TMEM67: variants seen among roughly 807,000 people sequenced by gnomAD.
The protein encoded by TMEM67 is transmembrane protein 67.
Under a neutral mutation model 136.6 loss-of-function variants are expected in TMEM67, and 124 were observed. That is an observed-to-expected ratio of 0.91 (90% CI 0.78 to 1.05). The LOEUF (loss-of-function observed/expected upper bound fraction) is 1.05. TMEM67 is among the 50% of genes least tolerant of loss of function. The pLI, the probability that TMEM67 is intolerant of heterozygous loss-of-function variation, is 0.00. For missense variants in TMEM67, 1,107 were observed against 1,178.4 expected (o/e 0.94, Z 0.89); for synonymous variants, 364 against 390.5 (o/e 0.93, Z 0.80).
rs772881100 is a variant in TMEM67, at chr8:93,755,791, A to G, written c.237A>G (p.Val79=). Residue 79 remains valine (V), a synonymous_variant, in exon 2 of 28, where the codon GTA becomes GTG. Coordinates refer to ENST00000453321, the MANE Select transcript of TMEM67 (RefSeq NM_153704.6). ...TTTTTTTTTTAGGAACTTCATGTGT[A>G]TGTCTACCAGGATTTCAGATGATCT... is the stretch of plus-strand genomic sequence containing the variant. ...QRQDARGTSC[V]CLPGFQMISN... 3 of 721,056 alleles carry G rather than the reference A, an allele frequency of 4.2e-6. No homozygotes were observed. Among genetic ancestry groups the G allele is most frequent in the African/African-American group, 5.1e-5 (2 of 39,558 alleles). 44.7% of individuals were successfully genotyped at this position (721,056 alleles called of 1,614,324 possible). A position where few individuals can be genotyped will look rare whatever the true frequency, so the allele number is the denominator to read the frequency against.
At chr8:93,767,103 G>T (rs144919197) in intron 6 of TMEM67, among the ~76,000 whole-genome samples, 2 of 152,066 alleles carry the variant, frequency 1.3e-5, no homozygotes, top group Non-Finnish European at 2.9e-5. Flanking sequence ...AGCTTCCTCC[G>T]ATCTGGAACT....
intron 11 of TMEM67, among the ~76,000 whole-genome samples, chr8:93,784,403 T>C (rs1247887479): frequency 6.6e-6 from 1 of 152,248 alleles, no homozygotes; most frequent in African/African-American, 2.4e-5. Flanking sequence ...ACTCAAAGAC[T>C]TGTGTCACAT....
chr8:93,757,306 T>C (rs537133938), intron 2 of TMEM67, among the ~76,000 whole-genome samples: 9 of 151,980 alleles, frequency 5.9e-5, no homozygotes, highest in African/African-American at 1.9e-4. Context: ...CCATATGATA[T>C]AATAAGCCCA....
chr8:93,769,684 C>G (rs1173189287), intron 6 of TMEM67: 1 of 166,964 alleles, frequency 6.0e-6, no homozygotes, highest in African/African-American at 2.4e-5. Context: ...AATAAGAACT[C>G]AGTTTTATCC....
chr8:93,782,277 C>G (rs1213411106), intron 10 of TMEM67, 118 bp from the exon 11 acceptor site: 22 of 774,592 alleles, frequency 2.8e-5, no homozygotes, highest in Non-Finnish European at 4.6e-5. Flanking sequence ...CTTTTCATAT[C>G]CTTGATACAT....
At chr8:93,830,962 G>A in the TMEM67 span, among the ~76,000 whole-genome samples, 1 of 152,204 alleles carries the variant, frequency 6.6e-6, no homozygotes, top group East Asian at 1.9e-4. Flanking sequence ...GTACAGTGAG[G>A]GTCTGGACCT....
intron 3 of TMEM67, among the ~76,000 whole-genome samples, chr8:93,761,046 C>T (rs6981752): frequency 0.29 from 44,199 of 152,058 alleles, 6,817 homozygotes; most frequent in East Asian, 0.51. Context: ...CACAGTGGCT[C>T]ACGCTTGTAA....
intron 26 of TMEM67, among the ~76,000 whole-genome samples, chr8:93,810,724 GA>G (rs1470056444): frequency 6.6e-6 from 1 of 152,122 alleles, no homozygotes; most frequent in Admixed American, 6.5e-5. Flanking sequence ...GTATTCAGGT[GA>G]ATTTCAGAAT....
In TMEM67 at chr8:93,782,392, C is replaced by T. The variant is rs3097427; in HGVS notation, c.1066-3C>T. 965,583 of 1,603,638 alleles carry T rather than the reference C, an allele frequency of 0.6. 294,521 individuals are homozygous for T. The highest frequency in any genetic ancestry group is 0.79 in the East Asian group (35,482 of 44,792). The stretch of plus-strand genomic sequence containing the variant: ...ATTTATCTGTTGTATTATTTTGCTG[C>T]AGCTTTGTCCAGACACAGAGACAAG... On this transcript the variant is annotated splice_polypyrimidine_tract_variant and splice_region_variant and intron_variant, in intron 10 of 27. Transcript: ENST00000453321.
chr8:93,804,636 T>C (rs948144625), intron 22 of TMEM67, 126 bp from the exon 23 acceptor site: 7 of 627,646 alleles, frequency 1.1e-5, no homozygotes, highest in African/African-American at 1.1e-4. Context: ...ATTATCCTCT[T>C]TATATATTTC....
downstream of TMEM67, among the ~76,000 whole-genome samples, chr8:93,822,974 T>G (rs1809061758): frequency 6.6e-6 from 1 of 152,200 alleles, no homozygotes; most frequent in Non-Finnish European, 1.5e-5. Context: ...AATGGGACAC[T>G]AGGTGCTAAG....
chr8:93,825,458 T>A, the TMEM67 span, among the ~76,000 whole-genome samples: 1 of 152,222 alleles, frequency 6.6e-6, no homozygotes, highest in Admixed American at 6.5e-5. Flanking sequence ...GTATTGTTTC[T>A]TTTTCTGAAC....
chr8:93,776,104 T>C (rs1336308548), intron 7 of TMEM67, among the ~76,000 whole-genome samples: 2 of 152,212 alleles, frequency 1.3e-5, no homozygotes, highest in Admixed American at 6.5e-5. Context: ...TATTTTATTC[T>C]CTTTGTAGGA....
intron 23 of TMEM67, among the ~76,000 whole-genome samples, chr8:93,808,422 T>C (rs1016732185): frequency 7.7e-3 from 32 of 4,148 alleles, no homozygotes; most frequent in African/African-American, 0.016. Flanking sequence ...ATTATAGATA[T>C]ATATTTATCT....
intron 23 of TMEM67, 81 bp downstream of exon 23, chr8:93,804,959 A>C (rs1586083376): frequency 1.1e-6 from 1 of 904,344 alleles, no homozygotes; most frequent in African/African-American, 1.7e-5. Context: ...TAAAAAAAAA[A>C]CAGTCTTCAT....
At chr8:93,761,438 A>C (rs1812826305) in intron 3 of TMEM67, among the ~76,000 whole-genome samples, 1 of 152,370 alleles carries the variant, frequency 6.6e-6, no homozygotes, top group African/African-American at 2.4e-5. Flanking sequence ...TATCAAAATT[A>C]AAAATACAGA....
At chr8:93,823,581 C>T (rs918102611), downstream of TMEM67, among the ~76,000 whole-genome samples, 3 of 152,026 alleles carry the variant, frequency 2.0e-5, no homozygotes, top group Non-Finnish European at 4.4e-5. Flanking sequence ...AGAGCAGAAG[C>T]TGGCCAGGAC....
At position 93,780,861 on chromosome 8, in the gene TMEM67, T is replaced by C. The variant is rs1563458595; in HGVS notation, c.870-13T>C. 2 of 1,593,076 alleles carry C rather than the reference T, an allele frequency of 1.3e-6. No individual in the cohort carries two copies. The highest frequency in any genetic ancestry group is 1.7e-6 in the Non-Finnish European group (2 of 1,162,514). Reference sequence around the variant, plus strand: ...TTATTCTCCATTATTAAAACAGTTGTAACTGTTTATAGGAGACAGAATCTT... The same window carrying C: ...TTATTCTCCATTATTAAAACAGTTGCAACTGTTTATAGGAGACAGAATCTT... On this transcript the variant is annotated splice_polypyrimidine_tract_variant and intron_variant, in intron 8 of 27. Transcript: ENST00000453321.
intron 7 of TMEM67, among the ~76,000 whole-genome samples, chr8:93,773,221 C>T (rs1292300653): frequency 6.6e-6 from 1 of 152,080 alleles, no homozygotes; most frequent in Admixed American, 6.6e-5. Context: ...GATCTCAAAG[C>T]AGTTTACTGG....
Sources: allele counts gnomAD v4.1 joint callset (sites outside exome capture counted in the v4.1 genomes callset), GRCh38; gene constraint gnomAD v4.1.1; transcripts MANE v1.5; gene names NCBI Gene and HGNC (gene_info 2026-07-23, HGNC 2026-07-21).